Variants in CCR9 observed in about 807,000 individuals in gnomAD.
The protein encoded by CCR9 is C-C motif chemokine receptor 9.
CCR9 carries 4 observed loss-of-function variants against 8.7 expected under a neutral mutation model. The ratio of observed to expected loss-of-function variants is 0.46; its 90% CI spans 0.23 to 1.06. The LOEUF (loss-of-function observed/expected upper bound fraction) is 1.06, where lower values mean the gene tolerates loss of function less well. CCR9 is among the 50% of genes least tolerant of loss of function. CCR9 has a pLI of 0.21. For synonymous variants in CCR9, 159 were observed against 168.8 expected (o/e 0.94, Z 0.45); for missense variants, 394 against 453.6 (o/e 0.87, Z 1.19).
intron 1 of CCR9, among the ~76,000 whole-genome samples, chr3:45,889,388 A>G (rs891850298): frequency 6.6e-6 from 1 of 152,176 alleles, no homozygotes; most frequent in Non-Finnish European, 1.5e-5. Flanking sequence ...TGTAATTACT[A>G]GACTTGCTCT....
chr3:45,888,234 A>G (rs148450568), intron 1 of CCR9, among the ~76,000 whole-genome samples: 37 of 152,200 alleles, frequency 2.4e-4, no homozygotes, highest in African/African-American at 3.6e-4. Context: ...GCCTTAGTGC[A>G]TATGTTTTCC....
chr3:45,899,297 A>C (rs1454284767), intron 2 of CCR9, among the ~76,000 whole-genome samples: 2 of 152,372 alleles, frequency 1.3e-5, no homozygotes, highest in Non-Finnish European at 2.9e-5. Context: ...TTAGTGTTCC[A>C]CCTAAAACAT....
At position 45,894,917 on chromosome 3, in the gene CCR9, C is replaced by T; in HGVS notation, c.-17C>T. The stretch of plus-strand genomic sequence containing the variant: ...TGTCCCTTTTCCAGGAGCAGGCTTG[C>T]ATCTGACTGACCCACCATGACACCC... On this transcript the variant is annotated 5_prime_UTR_variant, in exon 2 of 3. Coordinates refer to ENST00000357632, the MANE Select transcript of CCR9 (RefSeq NM_031200.3). 1.9e-6 allele frequency: 3 copies of T among 1,613,820 alleles called. No individual in the cohort carries two copies. The highest frequency in any genetic ancestry group is 2.5e-6 in the Non-Finnish European group (3 of 1,179,696).
Position 45,901,499 on chromosome 3 carries a change from C to T in CCR9, c.711C>T (p.Ile237=), listed in dbSNP as rs1395706481. 6.2e-7 allele frequency: 1 copy of T among 1,614,058 alleles called. No individual in the cohort carries two copies. Among genetic ancestry groups the T allele is most frequent in the African/African-American group, 1.3e-5 (1 of 74,916 alleles). The change falls in exon 3 of 3, where the codon ATC becomes ATT. Residue 237 remains isoleucine, a synonymous_variant. Transcript: ENST00000357632. This position sits in a 1 kb window ranked among gnomAD's most constrained non-coding sequence, Gnocchi z 4.3. The part of the protein sequence containing the change: ...FVVMACCYTI[I]IHTLIQAKKS... ...TCATGGCTTGCTGCTATACCATCATCATTCACACCCTGATACAAGCCAAGA... is the reference window on the plus strand; with the variant it reads ...TCATGGCTTGCTGCTATACCATCATTATTCACACCCTGATACAAGCCAAGA...
At chr3:45,890,320 T>A (rs1334290734) in intron 1 of CCR9, among the ~76,000 whole-genome samples, 1 of 105,828 alleles carries the variant, frequency 9.4e-6, no homozygotes, top group African/African-American at 4.6e-5. Context: ...TATATATTTA[T>A]ATAAATATAT....
chr3:45,901,022 A>C lies in CCR9; in HGVS notation c.234A>C (p.Arg78Ser). Residue 78 changes from arginine to serine, a missense_variant, in exon 3 of 3, where the codon AGA becomes AGC. Coordinates refer to ENST00000357632, the MANE Select transcript of CCR9 (RefSeq NM_031200.3). This position sits in a 1 kb window ranked among gnomAD's most constrained non-coding sequence, Gnocchi z 4.3. Reference protein sequence around the residue: ...LVILVYWYCTRVKTMTDMFLL... With the variant: ...LVILVYWYCTSVKTMTDMFLL... ...TCCTTGTCTACTGGTACTGCACAAG[A>C]GTGAAGACCATGACCGACATGTTCC... 6.2e-7 allele frequency: 1 copy of C among 1,614,184 alleles called. No individual in the cohort carries two copies. Among genetic ancestry groups the C allele is most frequent in the East Asian group, 2.2e-5 (1 of 44,884 alleles).
At chr3:45,895,147 G>T in intron 2 of CCR9, 193 bp downstream of exon 2, 1 of 628,688 alleles carries the variant, frequency 1.6e-6, no homozygotes, top group Non-Finnish European at 2.8e-6. Flanking sequence ...CAAAGAGGCA[G>T]CTATGCTTTG....
Position 45,901,999 on chromosome 3 carries a change from C to CTCT in CCR9, c.*103_*104insTTC. ...AGAGAGAGTGAAAGAGAAAAGAAAA[C>CTCT]TCAGAAAGGGATGAATCTGAACTAT... On this transcript the variant is annotated 3_prime_UTR_variant, in exon 3 of 3. Transcript: ENST00000357632. This position sits in a 1 kb window ranked among gnomAD's most constrained non-coding sequence, Gnocchi z 4.3. 1 of 1,004,574 alleles carries CTCT rather than the reference C, an allele frequency of 1.0e-6. No individual in the cohort carries two copies. Among genetic ancestry groups the CTCT allele is most frequent in the Non-Finnish European group, 1.5e-6 (1 of 686,918 alleles). 62.2% of individuals were successfully genotyped at this position (1,004,574 alleles called of 1,614,324 possible). A position where few individuals can be genotyped will look rare whatever the true frequency, so the allele number is the denominator to read the frequency against.
At chr3:45,887,138 C>T (rs895031082) in intron 1 of CCR9, among the ~76,000 whole-genome samples, 1 of 152,040 alleles carries the variant, frequency 6.6e-6, no homozygotes, top group Non-Finnish European at 1.5e-5. Flanking sequence ...TTCTATGATA[C>T]GGTTCTATGT....
At chr3:45,898,628 C>T (rs906565459) in intron 2 of CCR9, among the ~76,000 whole-genome samples, 1 of 152,210 alleles carries the variant, frequency 6.6e-6, no homozygotes, top group East Asian at 1.9e-4. Context: ...GTCAGATTTT[C>T]CCAGTTGTCA....
intron 2 of CCR9, chr3:45,897,694 A>G (rs1702402811): frequency 1.6e-6 from 2 of 1,243,072 alleles, no homozygotes; most frequent in Non-Finnish European, 2.2e-6. Context: ...TTTGTTCCCC[A>G]GGAACCAAAG....
At chr3:45,895,080 C>A in intron 2 of CCR9, 126 bp downstream of exon 2, 1 of 1,012,714 alleles carries the variant, frequency 9.9e-7, no homozygotes, top group Non-Finnish European at 1.6e-6. Context: ...AAGATCTCTG[C>A]CTGGCAATGC....
chr3:45,893,614 A>C (rs2125748024), intron 1 of CCR9, among the ~76,000 whole-genome samples: 1 of 152,350 alleles, frequency 6.6e-6, no homozygotes, highest in African/African-American at 2.4e-5. Flanking sequence ...AGACTTGTCC[A>C]TGTTGCTGTG....
chr3:45,895,123 G>T, intron 2 of CCR9, 169 bp downstream of exon 2: 1 of 708,158 alleles, frequency 1.4e-6, no homozygotes, highest in Non-Finnish European at 2.5e-6. Context: ...CCAGCACAGA[G>T]GGTTTTGCAA....
At chr3:45,888,645 G>A (rs1048028294) in intron 1 of CCR9, among the ~76,000 whole-genome samples, 2 of 152,156 alleles carry the variant, frequency 1.3e-5, no homozygotes, top group Non-Finnish European at 2.9e-5. Flanking sequence ...CCGACAGACC[G>A]CTGAGATGGT....
intron 1 of CCR9, among the ~76,000 whole-genome samples, chr3:45,890,915 G>A (rs71325091): frequency 0.089 from 13,480 of 152,228 alleles, 1,037 homozygotes; most frequent in South Asian, 0.36. Context: ...TTCATAATCC[G>A]TTAGGTGGGA....
intron 1 of CCR9, among the ~76,000 whole-genome samples, chr3:45,887,469 G>T (rs1371326918): frequency 6.6e-6 from 1 of 152,130 alleles, no homozygotes; most frequent in African/African-American, 2.4e-5. Context: ...TGACTCATCA[G>T]TGGATGCTGG....
intron 1 of CCR9, among the ~76,000 whole-genome samples, chr3:45,887,074 T>A (rs1185002482): frequency 1.3e-5 from 2 of 152,110 alleles, no homozygotes; most frequent in Admixed American, 6.5e-5. Context: ...AGGAGGCGAA[T>A]GGTTAAATGA....
At chr3:45,898,395 C>T (rs1446270041) in intron 2 of CCR9, among the ~76,000 whole-genome samples, 1 of 152,212 alleles carries the variant, frequency 6.6e-6, no homozygotes, top group African/African-American at 2.4e-5. Context: ...AGGGCCAATG[C>T]TAGAAGAAAC....
Sources: allele counts gnomAD v4.1 joint callset (sites outside exome capture counted in the v4.1 genomes callset), GRCh38; gene constraint gnomAD v4.1.1; non-coding constraint Gnocchi (gnomAD v3.1); transcripts MANE v1.5; gene names NCBI Gene and HGNC (gene_info 2026-07-23, HGNC 2026-07-21).